Variants in KCNH7 observed in about 807,000 individuals in gnomAD.
KCNH7 encodes the protein voltage-gated inwardly rectifying potassium channel KCNH7.
KCNH7 carries 49 observed loss-of-function variants against 120.8 expected under a neutral mutation model. That is an observed-to-expected ratio of 0.41 (90% CI 0.32 to 0.51). The LOEUF is 0.51. Ranked by LOEUF, KCNH7 falls within the 20% of genes least tolerant of loss-of-function variation. The pLI, the probability that KCNH7 is intolerant of heterozygous loss-of-function variation, is 0.38. For missense variants in KCNH7, 1,097 were observed against 1,446.6 expected, an observed-to-expected ratio of 0.76 and a Z score of 3.92; for synonymous variants, 547 against 516.1, an observed-to-expected ratio of 1.06 and a Z score of -0.81.
chr2:162,573,729 T>C (rs1391893304), intron 2 of KCNH7, among the ~76,000 whole-genome samples: 1 of 152,064 alleles, frequency 6.6e-6, no homozygotes, highest in Non-Finnish European at 1.5e-5. Context: ...GGTACTGCTT[T>C]GGAAAATTTA....
chr2:162,592,611 A>T (rs747312567), intron 2 of KCNH7, among the ~76,000 whole-genome samples: 10 of 152,092 alleles, frequency 6.6e-5, no homozygotes, highest in Non-Finnish European at 1.2e-4. Flanking sequence ...AATTGGCTGC[A>T]GCTAATGCTT....
chr2:162,603,415 T>A (rs1247552622), intron 2 of KCNH7, among the ~76,000 whole-genome samples: 1 of 152,134 alleles, frequency 6.6e-6, no homozygotes. Flanking sequence ...TGGTTCCATA[T>A]AAATACTATA....
intron 2 of KCNH7, among the ~76,000 whole-genome samples, chr2:162,589,186 C>T (rs1026426459): frequency 6.6e-6 from 1 of 152,048 alleles, no homozygotes; most frequent in African/African-American, 2.4e-5. Context: ...CACTCTGGGG[C>T]TTTGTAGACC....
At chr2:162,702,585 C>T (rs556763493) in intron 2 of KCNH7, among the ~76,000 whole-genome samples, 11 of 152,134 alleles carry the variant, frequency 7.2e-5, no homozygotes, top group South Asian at 4.1e-4. Context: ...GCACTGTAGA[C>T]GTGATAGGAA....
intron 2 of KCNH7, among the ~76,000 whole-genome samples, chr2:162,598,729 A>G (rs1157927352): frequency 6.6e-6 from 1 of 152,156 alleles, no homozygotes; most frequent in Non-Finnish European, 1.5e-5. Flanking sequence ...TCTTTCTAGC[A>G]TTAAAGTTTC....
At chr2:162,536,385 ACTT>A (rs1692108760) in intron 3 of KCNH7, among the ~76,000 whole-genome samples, 2 of 151,982 alleles carry the variant, frequency 1.3e-5, no homozygotes, top group Admixed American at 1.3e-4. Flanking sequence ...TTGAGGTACT[ACTT>A]CTCACTTATG....
intron 2 of KCNH7, among the ~76,000 whole-genome samples, chr2:162,775,083 A>G (rs1683185339): frequency 6.6e-6 from 1 of 152,188 alleles, no homozygotes; most frequent in Non-Finnish European, 1.5e-5. Context: ...GTGAATGAAC[A>G]TTCGAAAGCT....
At chr2:162,690,031 T>C (rs919755376) in intron 2 of KCNH7, among the ~76,000 whole-genome samples, 1 of 152,190 alleles carries the variant, frequency 6.6e-6, no homozygotes, top group Non-Finnish European at 1.5e-5. Context: ...ATATACACCA[T>C]GGAATAATAT....
intron 8 of KCNH7, among the ~76,000 whole-genome samples, chr2:162,426,795 C>G (rs775367932): frequency 2.0e-5 from 3 of 151,942 alleles, no homozygotes; most frequent in Non-Finnish European, 4.4e-5. Context: ...AATGTATACA[C>G]CTCTGTAAAC....
chr2:162,639,082 A>C (rs1042894943), intron 2 of KCNH7, among the ~76,000 whole-genome samples: 1 of 152,104 alleles, frequency 6.6e-6, no homozygotes, highest in Non-Finnish European at 1.5e-5. Flanking sequence ...CAGCCGTGGC[A>C]ACCAAAAATA....
At chr2:162,747,453 G>A (rs557571013) in intron 2 of KCNH7, among the ~76,000 whole-genome samples, 10 of 152,274 alleles carry the variant, frequency 6.6e-5, no homozygotes, top group South Asian at 6.2e-4. Flanking sequence ...TTACTACTGA[G>A]AACAAGTGGT....
intron 2 of KCNH7, among the ~76,000 whole-genome samples, chr2:162,626,790 T>C (rs1306151522): frequency 6.6e-6 from 1 of 152,186 alleles, no homozygotes; most frequent in Non-Finnish European, 1.5e-5. Flanking sequence ...ACAAGGTGTA[T>C]ACATTAAAGG....
intron 2 of KCNH7, among the ~76,000 whole-genome samples, chr2:162,803,195 GA>G (rs1684410479): frequency 6.6e-6 from 1 of 151,690 alleles, no homozygotes; most frequent in African/African-American, 2.4e-5. Flanking sequence ...GACTCCTTCA[GA>G]AGGGGAATAT....
chr2:162,549,840 C>T (rs1473184690), intron 2 of KCNH7, among the ~76,000 whole-genome samples: 3 of 152,124 alleles, frequency 2.0e-5, no homozygotes, highest in Non-Finnish European at 2.9e-5. Context: ...AGAACAAGGA[C>T]TGAGCTAATA....
At chr2:162,687,256 A>G (rs1469909583) in intron 2 of KCNH7, among the ~76,000 whole-genome samples, 1 of 152,050 alleles carries the variant, frequency 6.6e-6, no homozygotes, top group Non-Finnish European at 1.5e-5. Flanking sequence ...CTCAGTAACA[A>G]TGGCCTGCTG....
intron 2 of KCNH7, among the ~76,000 whole-genome samples, chr2:162,735,611 T>G (rs1440504770): frequency 1.3e-5 from 2 of 152,186 alleles, no homozygotes; most frequent in African/African-American, 4.8e-5. Context: ...TGGCTCAAAC[T>G]GTGCTAAGAC....
rs144722135 is a variant in KCNH7, at chr2:162,644,390, G to A, written c.308-107310C>T. Among the ~76,000 whole-genome samples, 287 of 152,022 alleles carry A rather than the reference G, an allele frequency of 1.9e-3. 1 individual carries two copies. Among genetic ancestry groups the A allele is most frequent in the African/African-American group, 6.4e-3 (267 of 41,464 alleles). ...CCACCCCAGAAAAATACCCAGTAGC[G>A]TTATACATTGGATCTATTTATTTTT... On this transcript the variant is annotated intron_variant, in intron 2 of 15. Coordinates refer to ENST00000332142, the MANE Select transcript of KCNH7 (RefSeq NM_033272.4).
chr2:162,473,367 A>G (rs1689630330), intron 6 of KCNH7, among the ~76,000 whole-genome samples: 1 of 152,180 alleles, frequency 6.6e-6, no homozygotes, highest in Non-Finnish European at 1.5e-5. Context: ...AAATAACAGA[A>G]AGTCAGGGAA....
At chr2:162,583,817 T>A (rs1693948401) in intron 2 of KCNH7, among the ~76,000 whole-genome samples, 1 of 152,094 alleles carries the variant, frequency 6.6e-6, no homozygotes, top group African/African-American at 2.4e-5. Flanking sequence ...CATAAAGCTG[T>A]CCTTAAAAGA....
Sources: allele counts gnomAD v4.1 joint callset (sites outside exome capture counted in the v4.1 genomes callset), GRCh38; gene constraint gnomAD v4.1.1; transcripts MANE v1.5; gene names NCBI Gene and HGNC (gene_info 2026-07-23, HGNC 2026-07-21).